The following TBRG1 variants were observed in gnomAD, a reference collection of about 807,000 sequenced individuals.
TBRG1 encodes the protein transforming growth factor beta regulator 1.
Under a neutral mutation model 44.0 loss-of-function variants are expected in TBRG1, and 31 were observed. The observed-to-expected ratio is 0.70, with a 90% CI of 0.53 to 0.95. TBRG1 has a LOEUF of 0.95. Among genes scored for constraint, TBRG1 ranks in the 40% least tolerant of loss-of-function variants. The pLI, the probability that TBRG1 is intolerant of heterozygous loss-of-function variation, is 0.00. For missense variants in TBRG1, 487 were observed against 496.1 expected (o/e 0.98, Z 0.18); for synonymous variants, 171 against 188.1 (o/e 0.91, Z 0.74).
chr11:124,623,258 G>T, intron 1 of TBRG1, 25 bp downstream of exon 1: 1 of 1,551,276 alleles, frequency 6.4e-7, no homozygotes, highest in Non-Finnish European at 8.7e-7. Flanking sequence ...CGTTCAGCCG[G>T]TCCCCTCCTG....
In TBRG1 at chr11:124,634,716, CTCTAAA is replaced by C. The variant is rs1942684441; in HGVS notation, c.*2483_*2488del. 1 of 152,122 alleles carries C rather than the reference CTCTAAA, an allele frequency of 6.6e-6. No homozygotes were observed. The highest frequency in any genetic ancestry group is 6.5e-5 in the Admixed American group (1 of 15,280). The allele number at this position is 152,122 out of a possible 1,614,324, so 9.4% of individuals were successfully genotyped here. A position where few individuals can be genotyped will look rare whatever the true frequency, so the allele number is the denominator to read the frequency against. ...AATGAGGCTTCCACAAACTGAAACA[CTCTAAA>C]TCTATATTCTATTATTTACATAAGA... On this transcript the variant is annotated 3_prime_UTR_variant, in exon 9 of 9. Coordinates refer to ENST00000441174, the MANE Select transcript of TBRG1 (RefSeq NM_032811.3).
At chr11:124,626,860 T>C in intron 4 of TBRG1, 44 bp from the exon 5 acceptor site, 1 of 1,583,150 alleles carries the variant, frequency 6.3e-7, no homozygotes, top group Non-Finnish European at 8.6e-7. Flanking sequence ...ACTTCTAAAT[T>C]CTTCAGTGAC....
chr11:124,624,901 A>T (rs1942426514), intron 1 of TBRG1, 30 bp from the exon 2 acceptor site: 4 of 1,375,684 alleles, frequency 2.9e-6, no homozygotes, highest in African/African-American at 2.9e-5. Flanking sequence ...TATTCATTTT[A>T]TGTTATTATA....
chr11:124,631,478 T>C, intron 8 of TBRG1, 61 bp downstream of exon 8: 1 of 1,519,126 alleles, frequency 6.6e-7, no homozygotes, highest in South Asian at 1.1e-5. Context: ...CCTTCCCATC[T>C]TCACACATAG....
intron 3 of TBRG1, among the ~76,000 whole-genome samples, 166 bp from the exon 4 acceptor site, chr11:124,626,307 A>G (rs940491063): frequency 6.6e-6 from 1 of 152,258 alleles, no homozygotes; most frequent in African/African-American, 2.4e-5. Context: ...TAATCTGGGC[A>G]GGTTAGAAAG....
At chr11:124,624,807 T>A in intron 1 of TBRG1, 124 bp from the exon 2 acceptor site, 2 of 681,052 alleles carry the variant, frequency 2.9e-6, no homozygotes, top group East Asian at 2.8e-5. Context: ...TGTCACACGG[T>A]CGAATAGCTC....
At chr11:124,628,548 G>T (rs1202487876) in intron 5 of TBRG1, among the ~76,000 whole-genome samples, 1 of 145,936 alleles carries the variant, frequency 6.9e-6, no homozygotes, top group Non-Finnish European at 1.5e-5. Flanking sequence ...AAAACCCACA[G>T]GCATTTCACA....
chr11:124,626,994 C>T lies in TBRG1; in HGVS notation c.682C>T (p.Pro228Ser). Residue 228 changes from proline (P) to serine (S), a missense_variant, in exon 5 of 9, where the codon CCA becomes TCA. By Grantham distance (74) the Pro-to-Ser change is moderately conservative (BLOSUM62 -1). Coordinates refer to ENST00000441174, the MANE Select transcript of TBRG1 (RefSeq NM_032811.3). ...STRIYASMKC[P>S]DQKCLYTCQI... Reference sequence around the variant, plus strand: ...TCGAATATATGCCAGCATGAAGTGCCCAGACCAGAAGTGTCTATATACCTG... The same window carrying T: ...TCGAATATATGCCAGCATGAAGTGCTCAGACCAGAAGTGTCTATATACCTG... 1 of 1,572,422 alleles carries T rather than the reference C, an allele frequency of 6.4e-7. No homozygotes were observed.
Position 124,626,506 on chromosome 11 carries a change from C to G in TBRG1, c.488C>G (p.Ala163Gly). 3 of 1,548,280 alleles carry G rather than the reference C, an allele frequency of 1.9e-6. No individual in the cohort carries two copies. Among genetic ancestry groups the G allele is most frequent in the Non-Finnish European group, 2.6e-6 (3 of 1,145,370 alleles). Residue 163 changes from alanine (A) to glycine (G), a missense_variant, in exon 4 of 9, where the codon GCG becomes GGG. Coordinates refer to ENST00000441174, the MANE Select transcript of TBRG1 (RefSeq NM_032811.3). ...AAAACATGCAAGAAAAAGAAAATGG[C>G]GGGAGGTGCTCGCAAGCTGGTTCAG... is the stretch of plus-strand genomic sequence containing the variant. ...LKKTCKKKKM[A>G]GGARKLVQPI...
At position 124,623,160 on chromosome 11, in the gene TBRG1, C is replaced by G. The variant is rs778983344; in HGVS notation, c.77C>G (p.Pro26Arg). 13 of 1,551,508 alleles carry G rather than the reference C, an allele frequency of 8.4e-6. No individual in the cohort carries two copies. In the South Asian group the frequency reaches 1.5e-4, roughly 18 times the overall value. ...AGCAAGGCCAGGATGAAAAAGCTCC[C>G]GAAGAAGAGCCAGAATGAGAAGTAC... is the stretch of plus-strand genomic sequence containing the variant. ...QSSKARMKKLPKKSQNEKYRL... is the reference protein window; with the variant it reads ...QSSKARMKKLRKKSQNEKYRL... Residue 26 changes from proline to arginine, a missense_variant, in exon 1 of 9, where the codon CCG (proline) becomes CGG (arginine). Transcript: ENST00000441174.
At chr11:124,630,335 C>T (rs1259806363) in intron 5 of TBRG1, 53 bp from the exon 6 acceptor site, 2 of 1,130,680 alleles carry the variant, frequency 1.8e-6, no homozygotes, top group African/African-American at 1.5e-5. Flanking sequence ...GTAGTATGCC[C>T]CTCTCTCCTT....
At chr11:124,632,067 G>A (rs370590761) in intron 8 of TBRG1, 26 bp from the exon 9 acceptor site, 1 of 1,612,256 alleles carries the variant, frequency 6.2e-7, no homozygotes, top group African/African-American at 1.3e-5. Context: ...GAGCAGCAGT[G>A]GAACTTAAGG....
chr11:124,626,843 A>G, intron 4 of TBRG1, 61 bp from the exon 5 acceptor site: 1 of 1,569,252 alleles, frequency 6.4e-7, no homozygotes, highest in Admixed American at 1.9e-5. Flanking sequence ...CTACCACAGG[A>G]AACTGGACTT....
chr11:124,628,467 A>G (rs901591381), intron 5 of TBRG1, among the ~76,000 whole-genome samples: 3 of 151,150 alleles, frequency 2.0e-5, no homozygotes, highest in African/African-American at 7.3e-5. Flanking sequence ...AAGAAAACGT[A>G]TGACAAAGGA....
chr11:124,632,053 T>A (rs1942626851), intron 8 of TBRG1, 40 bp from the exon 9 acceptor site: 1 of 1,605,154 alleles, frequency 6.2e-7, no homozygotes, highest in Non-Finnish European at 8.5e-7. Context: ...CTGCCCAGAC[T>A]CCCGAGCAGC....
Position 124,627,057 on chromosome 11 carries a change from C to A in TBRG1, c.738+7C>A, listed in dbSNP as rs1224468350. The A allele has an allele frequency of 1.1e-5, 16 of 1,517,582 alleles. No individual in the cohort carries two copies. Among genetic ancestry groups the A allele is most frequent in the Non-Finnish European group, 1.4e-5 (16 of 1,115,886 alleles). The allele number at this position is 1,517,582 out of a possible 1,614,324, so 94.0% of individuals were successfully genotyped here. ...TGGTGGTGTGCAGCCTCAGGTACCC[C>A]CTCTAATAATAACCACTGTTTGTCT... On this transcript the variant is annotated splice_region_variant and intron_variant, in intron 5 of 8. Coordinates refer to ENST00000441174, the MANE Select transcript of TBRG1 (RefSeq NM_032811.3).
At position 124,632,364 on chromosome 11, in the gene TBRG1, A is replaced by G. The variant is rs1047661; in HGVS notation, c.*126A>G. The G allele has an allele frequency of 0.11, 87,303 of 761,652 alleles. 7,879 individuals are homozygous for G. The highest frequency in any genetic ancestry group is 0.4 in the African/African-American group (22,545 of 56,590). The allele number at this position is 761,652 out of a possible 1,614,324, so 47.2% of individuals were successfully genotyped here. A position where few individuals can be genotyped will look rare whatever the true frequency, so the allele number is the denominator to read the frequency against. On this transcript the variant is annotated 3_prime_UTR_variant, in exon 9 of 9. Coordinates refer to ENST00000441174, the MANE Select transcript of TBRG1 (RefSeq NM_032811.3). Reference sequence around the variant, plus strand: ...AGATACTAACGTATTTCATCATGGAAGGTCCTGTGGTGATGGTTTTCCCTG... The same window carrying G: ...AGATACTAACGTATTTCATCATGGAGGGTCCTGTGGTGATGGTTTTCCCTG...
rs201184255 is a variant in TBRG1 at position 124,628,523 on chromosome 11, TAA to T, written c.738+1490_738+1491del. 1.6e-3 allele frequency among the ~76,000 whole-genome samples: 202 copies of T among 123,302 alleles called. 1 individual carries two copies. The highest frequency in any genetic ancestry group is 0.01 in the South Asian group (39 of 3,836). 80.9% of individuals were successfully genotyped at this position (123,302 alleles called of 152,430 possible). Reference sequence around the variant, plus strand: ...CCTGTAGAGTAGGAAAAAGCAATATTAAAAAAAAAAAAAAAAAACCCACAGGC... The same window carrying T: ...CCTGTAGAGTAGGAAAAAGCAATATTAAAAAAAAAAAAAAAACCCACAGGC... On this transcript the variant is annotated intron_variant, in intron 5 of 8. Coordinates refer to ENST00000441174, the MANE Select transcript of TBRG1 (RefSeq NM_032811.3).
intron 1 of TBRG1, among the ~76,000 whole-genome samples, chr11:124,623,628 A>C (rs1942391263): frequency 6.6e-6 from 1 of 152,200 alleles, no homozygotes; most frequent in African/African-American, 2.4e-5. Flanking sequence ...GCCCAAGGGT[A>C]CTGTGTCAGA....
Sources: gnomAD v4.1 joint callset for allele counts (sites outside exome capture counted in the v4.1 genomes callset) on GRCh38, gnomAD v4.1.1 for gene constraint, MANE v1.5 for transcripts, NCBI Gene and HGNC (gene_info 2026-07-23, HGNC 2026-07-21) for gene names.